The following PYROXD1 variants were observed in gnomAD, a reference collection of about 807,000 sequenced individuals.
PYROXD1 encodes the protein tRNA ligase complex-associated NAD(P)H dehydrogenase PYROXD1.
In PYROXD1, 42 loss-of-function variants were observed where a neutral mutation model predicts 62.0. The ratio of observed to expected loss-of-function variants is 0.68; its 90% CI spans 0.53 to 0.88. PYROXD1 has a LOEUF of 0.88. Among genes scored for constraint, PYROXD1 ranks in the 40% least tolerant of loss-of-function variants. The pLI, the probability that PYROXD1 is intolerant of heterozygous loss-of-function variation, is 0.00. For missense variants in PYROXD1, 493 were observed against 604.8 expected (o/e 0.82, Z 1.94); for synonymous variants, 170 against 206.4 (o/e 0.82, Z 1.51).
intron 4 of PYROXD1, among the ~76,000 whole-genome samples, chr12:21,450,915 TTAAG>T (rs1165169328): frequency 6.6e-6 from 1 of 152,182 alleles, no homozygotes; most frequent in Non-Finnish European, 1.5e-5. Context: ...GGTCAAGAGA[TTAAG>T]TATGTATCTA....
chr12:21,449,426 A>G (rs1373483484), intron 3 of PYROXD1, 137 bp from the exon 4 acceptor site: 1 of 637,480 alleles, frequency 1.6e-6, no homozygotes, highest in Non-Finnish European at 2.6e-6. Flanking sequence ...GCTATAACAA[A>G]GAACTGAGTG....
At chr12:21,456,815 C>T (rs780102302) in intron 7 of PYROXD1, 5 of 414,476 alleles carry the variant, frequency 1.2e-5, no homozygotes, top group South Asian at 8.3e-5. Flanking sequence ...TCAAACTCTG[C>T]TACTGCTTTA....
intron 1 of PYROXD1, 55 bp downstream of exon 1, chr12:21,437,869 A>C (rs918874925): frequency 1.4e-6 from 2 of 1,463,430 alleles, no homozygotes; most frequent in Admixed American, 2.0e-5. Flanking sequence ...AGGGGATAGC[A>C]CTGGAGGCCT....
At chr12:21,446,048 G>A (rs1257912988) in intron 3 of PYROXD1, among the ~76,000 whole-genome samples, 1 of 152,208 alleles carries the variant, frequency 6.6e-6, no homozygotes, top group Non-Finnish European at 1.5e-5. Flanking sequence ...GGATTAGGGT[G>A]TGGTTAAGTA....
At chr12:21,459,527 C>T (rs35632799) in intron 7 of PYROXD1, among the ~76,000 whole-genome samples, 385 of 152,274 alleles carry the variant, frequency 2.5e-3, no homozygotes, top group Admixed American at 7.3e-3. Context: ...GAAAGGGGCT[C>T]GTGGGAGCCC....
intron 6 of PYROXD1, 47 bp from the exon 7 acceptor site, chr12:21,455,948 A>T: frequency 7.9e-7 from 1 of 1,262,418 alleles, no homozygotes; most frequent in Non-Finnish European, 1.1e-6. Context: ...ACACTAACAT[A>T]TTTCTCTATC....
intron 4 of PYROXD1, 122 bp downstream of exon 4, chr12:21,449,813 A>G: frequency 4.2e-6 from 3 of 721,912 alleles, no homozygotes; most frequent in South Asian, 3.9e-5. Flanking sequence ...TTTCATGACC[A>G]GTAAACCACA....
Position 21,452,898 on chromosome 12 carries a change from A to G in PYROXD1, c.488+744A>G, listed in dbSNP as rs557192888. Among the ~76,000 whole-genome samples, 36 of 152,184 alleles carry G rather than the reference A, an allele frequency of 2.4e-4. 1 individual carries two copies. The South Asian group carries it at 7.3e-3, about 31-fold the overall frequency. ...CCATATCTTTGCTCACTTGCATTCA[A>G]TCCAACTCTCAGACTAGGTTTTTGC... On this transcript the variant is annotated intron_variant, in intron 5 of 11. Coordinates refer to ENST00000240651, the MANE Select transcript of PYROXD1 (RefSeq NM_024854.5).
At chr12:21,437,866 A>G in intron 1 of PYROXD1, 52 bp downstream of exon 1, 1 of 1,507,792 alleles carries the variant, frequency 6.6e-7, no homozygotes, top group Non-Finnish European at 9.1e-7. Flanking sequence ...CAAAGGGGAT[A>G]GCACTGGAGG....
chr12:21,445,621 C>T (rs1212273792), intron 3 of PYROXD1, among the ~76,000 whole-genome samples, 155 bp downstream of exon 3: 5 of 152,086 alleles, frequency 3.3e-5, no homozygotes, highest in Non-Finnish European at 5.9e-5. Flanking sequence ...AGAAAAAATA[C>T]AGTTTTTGTA....
At chr12:21,458,401 T>C (rs943225564) in intron 7 of PYROXD1, among the ~76,000 whole-genome samples, 11 of 152,318 alleles carry the variant, frequency 7.2e-5, no homozygotes, top group South Asian at 4.1e-4. Flanking sequence ...ACTTTCTCCA[T>C]GTCAGCAAGA....
chr12:21,458,756 G>A (rs986337196), intron 7 of PYROXD1, among the ~76,000 whole-genome samples: 7 of 152,162 alleles, frequency 4.6e-5, no homozygotes, highest in African/African-American at 1.4e-4. Context: ...AACATTTATC[G>A]ATTAAGTTCA....
intron 3 of PYROXD1, among the ~76,000 whole-genome samples, chr12:21,447,017 T>A (rs968633235): frequency 5.9e-5 from 9 of 152,138 alleles, no homozygotes; most frequent in African/African-American, 2.2e-4. Flanking sequence ...CAGATTTGAG[T>A]GAGATTTCTG....
At chr12:21,451,671 A>G (rs1362383184) in intron 4 of PYROXD1, among the ~76,000 whole-genome samples, 1 of 127,202 alleles carries the variant, frequency 7.9e-6, no homozygotes, top group Non-Finnish European at 1.7e-5. Context: ...CTTAACCACT[A>G]TGCTGCTGAG....
At chr12:21,441,043 G>A (rs572099505) in intron 2 of PYROXD1, among the ~76,000 whole-genome samples, 1 of 152,024 alleles carries the variant, frequency 6.6e-6, no homozygotes, top group South Asian at 2.1e-4. Context: ...TTTTTTTTGA[G>A]ATGGAGTCTC....
chr12:21,457,820 C>G (rs1942626760), intron 7 of PYROXD1, among the ~76,000 whole-genome samples: 1 of 152,270 alleles, frequency 6.6e-6, no homozygotes, highest in Non-Finnish European at 1.5e-5. Context: ...GATCCAGTCA[C>G]CTCCCACCAG....
chr12:21,470,076 T>C lies in PYROXD1; in HGVS notation c.*1322T>C, dbSNP rs1177647220. The C allele has an allele frequency of 2.8e-5, 20 of 703,092 alleles. No homozygotes were observed. Among genetic ancestry groups the C allele is most frequent in the East Asian group, 1.2e-4 (4 of 33,194 alleles). 43.6% of individuals were successfully genotyped at this position (703,092 alleles called of 1,614,324 possible). A position where few individuals can be genotyped will look rare whatever the true frequency, so the allele number is the denominator to read the frequency against. On this transcript the variant is annotated 3_prime_UTR_variant, in exon 12 of 12. Transcript: ENST00000240651. Reference sequence around the variant, plus strand: ...TCTTCAGAGATAAGCTCTGAAAATATAGATCCATACATATAAAATATCTAT... The same window carrying C: ...TCTTCAGAGATAAGCTCTGAAAATACAGATCCATACATATAAAATATCTAT...
intron 1 of PYROXD1, among the ~76,000 whole-genome samples, chr12:21,438,975 G>A (rs766219480): frequency 6.6e-6 from 1 of 152,188 alleles, no homozygotes; most frequent in Non-Finnish European, 1.5e-5. Context: ...TCTTAGAGGT[G>A]CCTGTGGAGT....
intron 3 of PYROXD1, among the ~76,000 whole-genome samples, chr12:21,447,069 G>A (rs1942404340): frequency 6.6e-6 from 1 of 152,194 alleles, no homozygotes; most frequent in South Asian, 2.1e-4. Context: ...ACATGAGAAT[G>A]AAGAAGGCAG....
Sources: allele counts gnomAD v4.1 joint callset (sites outside exome capture counted in the v4.1 genomes callset), GRCh38; gene constraint gnomAD v4.1.1; transcripts MANE v1.5; gene names NCBI Gene and HGNC (gene_info 2026-07-23, HGNC 2026-07-21).